PEAK1: variants seen among roughly 807,000 people sequenced by gnomAD.
PEAK1 encodes pseudopodium enriched atypical kinase 1, also known as inactive tyrosine-protein kinase PEAK1.
In PEAK1, 54 loss-of-function variants were observed where a neutral mutation model predicts 124.7. That is an observed-to-expected ratio of 0.43 (90% CI 0.35 to 0.54). The LOEUF is 0.54. Among genes scored for constraint, PEAK1 ranks in the 20% least tolerant of loss-of-function variants. PEAK1 has a pLI of 0.01. For synonymous variants in PEAK1, 719 were observed against 760.0 expected (o/e 0.95, Z 0.89); for missense variants, 2,046 against 2,134.5 (o/e 0.96, Z 0.82).
intron 2 of PEAK1, among the ~76,000 whole-genome samples, chr15:77,318,616 T>G (rs1339110101): frequency 1.3e-5 from 2 of 152,032 alleles, no homozygotes; most frequent in Non-Finnish European, 2.9e-5. Context: ...ATGGTAAGAA[T>G]GACTCATTAA....
At chr15:77,326,047 C>T (rs2065556856) in intron 2 of PEAK1, among the ~76,000 whole-genome samples, 1 of 151,888 alleles carries the variant, frequency 6.6e-6, no homozygotes, top group East Asian at 1.9e-4. Context: ...AATTTGTTTA[C>T]TAAATGTTCT....
intron 2 of PEAK1, chr15:77,352,392 A>G (rs1597402028): frequency 1.0e-6 from 1 of 985,312 alleles, no homozygotes; most frequent in Non-Finnish European, 1.2e-6. Context: ...AATGGCCCTG[A>G]GTCCACTTCC....
intron 5 of PEAK1, among the ~76,000 whole-genome samples, chr15:77,258,795 T>C (rs1476827749): frequency 6.6e-6 from 1 of 152,234 alleles, no homozygotes; most frequent in Non-Finnish European, 1.5e-5. Context: ...GGCATCCCTG[T>C]CTTGTGCCAG....
intron 6 of PEAK1, chr15:77,205,004 A>G (rs1328836530): frequency 1.0e-5 from 2 of 197,036 alleles, no homozygotes; most frequent in Non-Finnish European, 2.1e-5. Context: ...CTAATCAAGA[A>G]ATTAAAGAAG....
At chr15:77,224,443 C>A (rs952107815) in intron 6 of PEAK1, among the ~76,000 whole-genome samples, 1 of 152,038 alleles carries the variant, frequency 6.6e-6, no homozygotes, top group Non-Finnish European at 1.5e-5. Flanking sequence ...TTCTCTTGCA[C>A]TGACTGTCAA....
chr15:77,255,384 T>C lies in PEAK1; in HGVS notation c.-274-2858A>G, dbSNP rs1222264964. 4 of 983,462 alleles carry C rather than the reference T, an allele frequency of 4.1e-6. No individual in the cohort carries two copies. The African/African-American group carries it at 7.0e-5, about 17-fold the overall frequency. The allele number at this position is 983,462 out of a possible 1,614,324, so 60.9% of individuals were successfully genotyped here. ...CCAAGCTTCTGCCGGTACCAATCCT[T>C]ATTTTTATTTCATATTTGAAAACAA... On this transcript the variant is annotated intron_variant, in intron 5 of 9. Transcript: ENST00000682557.
At chr15:77,247,718 T>C (rs1473719594) in intron 6 of PEAK1, among the ~76,000 whole-genome samples, 3 of 152,020 alleles carry the variant, frequency 2.0e-5, no homozygotes, top group Admixed American at 6.6e-5. Flanking sequence ...ACTCCTAACC[T>C]GAAGTGATCT....
rs202124595 is a variant in PEAK1 at position 77,365,469 on chromosome 15, G to A, written c.-665-244C>T. Among the ~76,000 whole-genome samples, 24 of 152,252 alleles carry A rather than the reference G, an allele frequency of 1.6e-4. 1 individual carries two copies. Among genetic ancestry groups the A allele is most frequent in the East Asian group, 1.5e-3 (8 of 5,186 alleles). On this transcript the variant is annotated intron_variant, in intron 1 of 9. Transcript: ENST00000682557. The stretch of plus-strand genomic sequence containing the variant: ...TATATCAAAACAGGCCGGGCACGGC[G>A]GCTCACGCCTGTAATCCCAGCACTT...
chr15:77,224,745 G>A (rs1596706830), intron 6 of PEAK1, among the ~76,000 whole-genome samples: 1 of 151,894 alleles, frequency 6.6e-6, no homozygotes, highest in East Asian at 1.9e-4. Context: ...GATTTCCACT[G>A]AGCTCCTACA....
At chr15:77,266,684 T>C (rs2061751815) in intron 5 of PEAK1, among the ~76,000 whole-genome samples, 1 of 152,308 alleles carries the variant, frequency 6.6e-6, no homozygotes, top group Middle Eastern at 3.4e-3. Flanking sequence ...AGAATTATTT[T>C]ACAAGGGAGG....
At chr15:77,263,074 T>C (rs964951337) in intron 5 of PEAK1, among the ~76,000 whole-genome samples, 6 of 152,086 alleles carry the variant, frequency 3.9e-5, no homozygotes, top group African/African-American at 1.4e-4. Flanking sequence ...AGACACAACA[T>C]ACCAGAATCT....
At position 77,260,737 on chromosome 15, in the gene PEAK1, T is replaced by C. The variant is rs543179604; in HGVS notation, c.-274-8211A>G. On this transcript the variant is annotated intron_variant, in intron 5 of 9. Transcript: ENST00000682557. ...CAGCGTGAGCGACACAGAAGATGTA[T>C]GATTTCTGCATTTCCAACTGAGCTT... is the stretch of plus-strand genomic sequence containing the variant. Among the ~76,000 whole-genome samples, 10 of 152,274 alleles carry C rather than the reference T, an allele frequency of 6.6e-5. 1 individual carries two copies. In the South Asian group the frequency reaches 1.9e-3, roughly 28 times the overall value.
chr15:77,361,409 C>T (rs1176223456), intron 2 of PEAK1, among the ~76,000 whole-genome samples: 2 of 152,046 alleles, frequency 1.3e-5, no homozygotes, highest in African/African-American at 4.8e-5. Flanking sequence ...CACTGCACTA[C>T]AGCGTAGGTA....
At chr15:77,244,912 T>C (rs2060513064) in intron 6 of PEAK1, among the ~76,000 whole-genome samples, 1 of 152,170 alleles carries the variant, frequency 6.6e-6, no homozygotes, top group Non-Finnish European at 1.5e-5. Flanking sequence ...TAACAAAATG[T>C]TATGTGAATT....
chr15:77,349,086 C>A (rs1296309437), intron 2 of PEAK1: 1 of 796,612 alleles, frequency 1.3e-6, no homozygotes, highest in African/African-American at 1.9e-5. Flanking sequence ...GTCGCCCAGG[C>A]TAGAGTGCAG....
intron 1 of PEAK1, among the ~76,000 whole-genome samples, chr15:77,419,796 G>A (rs868690850): frequency 2.0e-5 from 3 of 148,474 alleles, no homozygotes; most frequent in African/African-American, 7.3e-5. Context: ...GGGGGTGGCC[G>A]GGGAGCTAGA....
intron 2 of PEAK1, among the ~76,000 whole-genome samples, chr15:77,360,660 G>T (rs955587676): frequency 5.9e-5 from 9 of 152,098 alleles, no homozygotes; most frequent in Non-Finnish European, 8.8e-5. Context: ...AGGACCAAAT[G>T]CAGGACTTGA....
At chr15:77,182,095 TA>T in intron 6 of PEAK1, 55 bp from the exon 7 acceptor site, 13 of 1,303,078 alleles carry the variant, frequency 1.0e-5, no homozygotes, top group Non-Finnish European at 1.3e-5. Flanking sequence ...CTATGAGACT[TA>T]CCATTATTAG....
At chr15:77,162,638 T>G (rs949707514) in intron 7 of PEAK1, among the ~76,000 whole-genome samples, 7 of 152,086 alleles carry the variant, frequency 4.6e-5, no homozygotes, top group African/African-American at 1.7e-4. Flanking sequence ...AACATTTCAT[T>G]AGGAGATGTT....
Sources: gnomAD v4.1 joint callset for allele counts (sites outside exome capture counted in the v4.1 genomes callset) on GRCh38, gnomAD v4.1.1 for gene constraint, MANE v1.5 for transcripts, NCBI Gene and HGNC (gene_info 2026-07-23, HGNC 2026-07-21) for gene names.